The following ROBO1 variants were observed in gnomAD, a reference collection of about 807,000 sequenced individuals.
ROBO1 encodes the protein roundabout guidance receptor 1, also known as roundabout homolog 1.
Under a neutral mutation model 195.9 loss-of-function variants are expected in ROBO1, and 149 were observed. The observed-to-expected ratio is 0.76, with a 90% CI of 0.67 to 0.87. The LOEUF (loss-of-function observed/expected upper bound fraction) is 0.87, where lower values mean the gene tolerates loss of function less well. ROBO1 is among the 40% of genes least tolerant of loss of function. The pLI is 0.00. For synonymous variants in ROBO1, 816 were observed against 733.2 expected, an observed-to-expected ratio of 1.11 and a Z score of -1.82; for missense variants, 1,933 against 2,068.3, an observed-to-expected ratio of 0.93 and a Z score of 1.27.
chr3:79,223,554 A>T (rs953922593), intron 2 of ROBO1, among the ~76,000 whole-genome samples: 22 of 152,168 alleles, frequency 1.4e-4, no homozygotes, highest in African/African-American at 4.8e-4. Flanking sequence ...ATGACTTGAA[A>T]TGTATACGAA....
rs946750080 is a variant in ROBO1, at chr3:79,155,865, C to T, written c.89-30326G>A. Among the ~76,000 whole-genome samples the T allele has an allele frequency of 9.2e-5, 14 of 151,848 alleles. No homozygotes were observed. The East Asian group carries it at 2.5e-3, about 27-fold the overall frequency. On this transcript the variant is annotated intron_variant, in intron 2 of 30. Coordinates refer to ENST00000464233, the MANE Select transcript of ROBO1 (RefSeq NM_002941.4). ...TTTAAAGCCATGAATAAAGTCAGCT[C>T]TTCATTTTCAACACTGACTCCAACA...
intron 30 of ROBO1, among the ~76,000 whole-genome samples, chr3:78,599,552 TTGAA>T (rs1210791356): frequency 2.0e-5 from 3 of 152,122 alleles, no homozygotes; most frequent in Admixed American, 6.6e-5. Context: ...AATACAATCT[TTGAA>T]TGGGTGAGGG....
At chr3:79,759,615 C>T (rs982052886) in intron 1 of ROBO1, among the ~76,000 whole-genome samples, 5 of 152,168 alleles carry the variant, frequency 3.3e-5, no homozygotes, top group South Asian at 2.1e-4. Context: ...AATTCACATA[C>T]GATTTAAAGA....
chr3:79,479,838 A>G (rs1938744051), intron 2 of ROBO1, among the ~76,000 whole-genome samples: 1 of 152,196 alleles, frequency 6.6e-6, no homozygotes, highest in Non-Finnish European at 1.5e-5. Context: ...ACCTGAGCAT[A>G]AGTAGCATAA....
In ROBO1 at chr3:78,614,815, A is replaced by G; in HGVS notation, c.4283-15T>C. 6.4e-7 allele frequency: 1 copy of G among 1,571,730 alleles called. No individual in the cohort carries two copies. The highest frequency in any genetic ancestry group is 8.6e-7 in the Non-Finnish European group (1 of 1,162,304). ...ATGTCGACGGCCTAAGGAGAAAAAA[A>G]AAAAAAATCCAAGCCAAACTCATCA... On this transcript the variant is annotated splice_polypyrimidine_tract_variant and intron_variant, in intron 27 of 30. Coordinates refer to ENST00000464233, the MANE Select transcript of ROBO1 (RefSeq NM_002941.4).
intron 3 of ROBO1, among the ~76,000 whole-genome samples, chr3:79,079,382 A>C (rs1336177416): frequency 6.6e-6 from 1 of 151,862 alleles, no homozygotes; most frequent in Admixed American, 6.6e-5. Context: ...TTTCAGCAAG[A>C]ATATTTTCTA....
intron 2 of ROBO1, among the ~76,000 whole-genome samples, chr3:79,561,713 A>C (rs1258261357): frequency 6.6e-6 from 1 of 152,154 alleles, no homozygotes; most frequent in African/African-American, 2.4e-5. Flanking sequence ...TCTTCCAATT[A>C]AAAAATGATA....
intron 1 of ROBO1, among the ~76,000 whole-genome samples, chr3:79,759,651 T>A (rs1559561692): frequency 6.6e-6 from 1 of 152,220 alleles, no homozygotes; most frequent in Non-Finnish European, 1.5e-5. Context: ...CTTAAAAAAA[T>A]GGTCTTTAAT....
chr3:79,473,723 C>T (rs1938404170), intron 2 of ROBO1, among the ~76,000 whole-genome samples: 1 of 152,022 alleles, frequency 6.6e-6, no homozygotes, highest in South Asian at 2.1e-4. Flanking sequence ...CAATAATTTT[C>T]AATTATTTTA....
intron 3 of ROBO1, among the ~76,000 whole-genome samples, chr3:79,081,177 GA>G (rs1464769759): frequency 1.3e-5 from 2 of 151,224 alleles, no homozygotes; most frequent in Non-Finnish European, 2.9e-5. Flanking sequence ...TTTCCGATAG[GA>G]TTTTTTTTTT....
rs141560839 is a variant in ROBO1, at chr3:79,137,117, T to C, written c.89-11578A>G. Among the ~76,000 whole-genome samples the C allele has an allele frequency of 6.4e-3, 971 of 152,234 alleles. 7 individuals carry two copies. The highest frequency in any genetic ancestry group is 8.0e-3 in the Non-Finnish European group (547 of 67,952). ...GTTTCTTTCAAAGATAGAAGAACCA[T>C]GATTACAATGATCCAAGTGGACAAT... On this transcript the variant is annotated intron_variant, in intron 2 of 30. Coordinates refer to ENST00000464233, the MANE Select transcript of ROBO1 (RefSeq NM_002941.4).
intron 3 of ROBO1, among the ~76,000 whole-genome samples, chr3:78,954,566 T>C (rs1282491138): frequency 6.6e-6 from 1 of 152,098 alleles, no homozygotes; most frequent in African/African-American, 2.4e-5. Context: ...AAATGTTCAC[T>C]GACAAAGGAG....
chr3:79,074,242 T>C (rs192112808), intron 3 of ROBO1, among the ~76,000 whole-genome samples: 6 of 152,010 alleles, frequency 3.9e-5, no homozygotes, highest in Admixed American at 1.3e-4. Flanking sequence ...CGCTCTCCAT[T>C]GCTTCACCTA....
intron 3 of ROBO1, among the ~76,000 whole-genome samples, chr3:79,030,072 T>G (rs1302147745): frequency 6.6e-6 from 1 of 152,254 alleles, no homozygotes; most frequent in Non-Finnish European, 1.5e-5. Context: ...AAAGTCTATT[T>G]GCAGATTGCA....
chr3:79,549,412 AG>A (rs781544422), intron 2 of ROBO1, among the ~76,000 whole-genome samples: 170 of 152,268 alleles, frequency 1.1e-3, no homozygotes, highest in Middle Eastern at 3.4e-3. Flanking sequence ...AACCCTTACT[AG>A]GGAGATCTGG....
At chr3:79,145,879 T>C (rs764215310) in intron 2 of ROBO1, among the ~76,000 whole-genome samples, 2 of 151,942 alleles carry the variant, frequency 1.3e-5, no homozygotes, top group Admixed American at 1.3e-4. Flanking sequence ...TTGAGTGAAA[T>C]AGATGGTGAC....
At chr3:79,281,981 A>G (rs188360979) in intron 2 of ROBO1, among the ~76,000 whole-genome samples, 3 of 152,336 alleles carry the variant, frequency 2.0e-5, no homozygotes, top group East Asian at 1.9e-4. Context: ...TGTATTGAGC[A>G]CTGAGTATGT....
intron 2 of ROBO1, among the ~76,000 whole-genome samples, chr3:79,382,584 A>G (rs2036611024): frequency 1.3e-5 from 2 of 152,144 alleles, no homozygotes; most frequent in South Asian, 4.1e-4. Context: ...GCAGGACCTA[A>G]TGTTTCCTAG....
At chr3:78,748,618 G>A (rs2082715505) in intron 4 of ROBO1, among the ~76,000 whole-genome samples, 1 of 151,978 alleles carries the variant, frequency 6.6e-6, no homozygotes, top group Non-Finnish European at 1.5e-5. Flanking sequence ...TGCTCAAGCT[G>A]TTCTTTCAAA....
Sources: gnomAD v4.1 joint callset for allele counts (sites outside exome capture counted in the v4.1 genomes callset) on GRCh38, gnomAD v4.1.1 for gene constraint, MANE v1.5 for transcripts, NCBI Gene and HGNC (gene_info 2026-07-23, HGNC 2026-07-21) for gene names.